MROH9: variants seen among roughly 807,000 people sequenced by gnomAD.
The protein encoded by MROH9 is maestro heat-like repeat-containing protein family member 9.
Under a neutral mutation model 98.2 loss-of-function variants are expected in MROH9, and 92 were observed. The ratio of observed to expected loss-of-function variants is 0.94; its 90% CI spans 0.79 to 1.11. The LOEUF is 1.11. Ranked by LOEUF, MROH9 falls within the 50% of genes most tolerant of loss-of-function variation. The pLI is 0.00. For missense variants in MROH9, 1,057 were observed against 1,014.8 expected, an observed-to-expected ratio of 1.04 and a Z score of -0.57; for synonymous variants, 397 against 368.9, an observed-to-expected ratio of 1.08 and a Z score of -0.87.
chr1:171,029,821 G>T (rs1282518762), intron 20 of MROH9, among the ~76,000 whole-genome samples: 1 of 152,118 alleles, frequency 6.6e-6, no homozygotes, highest in East Asian at 1.9e-4. Context: ...AAATGAGTTA[G>T]GGAGGAGTCC....
rs923275707 is a variant in MROH9 at position 171,025,296 on chromosome 1, T to C, written c.2179-22T>C. ...CTATTTCAGCAATCGAGTGAGGTGC[T>C]TTTTTCCCTTTTTATTCTCAGATTA... is the stretch of plus-strand genomic sequence containing the variant. On this transcript the variant is annotated intron_variant, in intron 19 of 21. Coordinates refer to ENST00000367759, the MANE Select transcript of MROH9 (RefSeq NM_001163629.2). 4 of 1,443,532 alleles carry C rather than the reference T, an allele frequency of 2.8e-6. No individual in the cohort carries two copies. In the African/African-American group the frequency reaches 4.2e-5, roughly 15 times the overall value. The allele number at this position is 1,443,532 out of a possible 1,614,324, so 89.4% of individuals were successfully genotyped here.
At position 170,990,084 on chromosome 1, in the gene MROH9, C is replaced by T. The variant is rs140210961; in HGVS notation, c.1028+81C>T. 7.4e-4 allele frequency: 1,040 copies of T among 1,398,186 alleles called. 10 individuals are homozygous for T. The African/African-American group carries it at 0.013, about 17-fold the overall frequency. The allele number at this position is 1,398,186 out of a possible 1,614,324, so 86.6% of individuals were successfully genotyped here. On this transcript the variant is annotated intron_variant, in intron 11 of 21. Transcript: ENST00000367759. ...GTCAGATGGACCTGGGTTCAACTCT[C>T]AATCTACCATAGTCAGGCCTGGTTT... is the stretch of plus-strand genomic sequence containing the variant.
chr1:171,001,616 A>G (rs1651784306), intron 15 of MROH9, among the ~76,000 whole-genome samples: 2 of 152,136 alleles, frequency 1.3e-5, no homozygotes, highest in South Asian at 2.1e-4. Flanking sequence ...AGTGCTTGAT[A>G]TAATTTCAGT....
intron 12 of MROH9, 71 bp downstream of exon 12, chr1:170,992,400 C>T (rs547336140): frequency 2.4e-4 from 356 of 1,464,378 alleles, no homozygotes; most frequent in Non-Finnish European, 3.2e-4. Context: ...TATCTGCCCA[C>T]AGACTCAATC....
chr1:170,990,014 C>G lies in MROH9; in HGVS notation c.1028+11C>G. 6.2e-7 allele frequency: 1 copy of G among 1,606,702 alleles called. No individual in the cohort carries two copies. The highest frequency in any genetic ancestry group is 8.5e-7 in the Non-Finnish European group (1 of 1,175,120). On this transcript the variant is annotated intron_variant, in intron 11 of 21. Transcript: ENST00000367759. ...AGTTCCAGCAGACGAGTAAGGCCCC[C>G]CAACCCTCTGTCCCTTCCACAAGGG...
At chr1:170,946,131 A>G (rs1649323049) in intron 2 of MROH9, among the ~76,000 whole-genome samples, 1 of 152,106 alleles carries the variant, frequency 6.6e-6, no homozygotes, top group African/African-American at 2.4e-5. Context: ...AATGACCCAC[A>G]TAAAGATGAA....
Position 170,998,249 on chromosome 1 carries a change from T to C in MROH9, c.1571T>C (p.Val524Ala), listed in dbSNP as rs1557891670. 1 of 1,613,536 alleles carries C rather than the reference T, an allele frequency of 6.2e-7. No homozygotes were observed. The highest frequency in any genetic ancestry group is 8.5e-7 in the Non-Finnish European group (1 of 1,179,638). ...GGTCCTAGAAGGTCAGAAGACACTG[T>C]CATCGTATTAATATTCCTCACTGAA... ...VEGPRRSEDT[V>A]IVLIFLTELL... Residue 524 changes from valine to alanine, a missense_variant, in exon 15 of 22, where the codon GTC becomes GCC. By Grantham distance (64) the Val-to-Ala change is moderately conservative. Coordinates refer to ENST00000367759, the MANE Select transcript of MROH9 (RefSeq NM_001163629.2).
intron 15 of MROH9, among the ~76,000 whole-genome samples, chr1:170,999,348 T>C (rs998074561): frequency 7.2e-5 from 11 of 152,098 alleles, no homozygotes; most frequent in Non-Finnish European, 1.2e-4. Flanking sequence ...CCAAAGTCCA[T>C]TGTATCATTC....
chr1:170,965,087 A>T, intron 6 of MROH9, 64 bp from the exon 7 acceptor site: 1 of 1,124,112 alleles, frequency 8.9e-7, no homozygotes, highest in Non-Finnish European at 1.3e-6. Flanking sequence ...GTTGAAGAAT[A>T]GAGGAAAGGT....
chr1:170,995,262 G>A (rs569124410), intron 12 of MROH9, 127 bp from the exon 13 acceptor site: 8 of 951,464 alleles, frequency 8.4e-6, no homozygotes, highest in South Asian at 4.7e-5. Flanking sequence ...ACCCATATGT[G>A]CTTTAGGTTT....
At chr1:171,044,952 C>G in intron 20 of MROH9, among the ~76,000 whole-genome samples, 1 of 96,594 alleles carries the variant, frequency 1.0e-5, no homozygotes, top group African/African-American at 3.6e-5. Context: ...CAGTTCAATT[C>G]CATTTATTTC....
chr1:171,050,822 T>C (rs1458804907), intron 20 of MROH9, among the ~76,000 whole-genome samples: 1 of 152,228 alleles, frequency 6.6e-6, no homozygotes, highest in African/African-American at 2.4e-5. Flanking sequence ...ATGGCTTTTA[T>C]TATTTTGAGG....
chr1:170,994,552 C>T (rs186496131), intron 12 of MROH9, among the ~76,000 whole-genome samples: 114 of 152,084 alleles, frequency 7.5e-4, no homozygotes, highest in African/African-American at 2.6e-3. Flanking sequence ...ATATAAAATA[C>T]GCACATCATA....
chr1:171,062,493 C>T (rs555101308), intron 21 of MROH9, among the ~76,000 whole-genome samples: 1 of 152,198 alleles, frequency 6.6e-6, no homozygotes, highest in Non-Finnish European at 1.5e-5. Context: ...AAGTTGAAAA[C>T]TCATTTACTC....
At chr1:171,002,299 T>C (rs1358046967) in intron 15 of MROH9, among the ~76,000 whole-genome samples, 1 of 152,182 alleles carries the variant, frequency 6.6e-6, no homozygotes, top group Admixed American at 6.5e-5. Context: ...TTTGCCTGTG[T>C]ATTTTGTTTT....
intron 2 of MROH9, among the ~76,000 whole-genome samples, chr1:170,946,652 T>G (rs536299154): frequency 6.6e-6 from 1 of 152,096 alleles, no homozygotes; most frequent in African/African-American, 2.4e-5. Flanking sequence ...CCTATAGGTC[T>G]GAAATAAAAA....
At chr1:170,970,277 G>A (rs1650391379) in intron 7 of MROH9, among the ~76,000 whole-genome samples, 1 of 152,138 alleles carries the variant, frequency 6.6e-6, no homozygotes, top group Non-Finnish European at 1.5e-5. Flanking sequence ...GCTTCAGTGA[G>A]GTAAGCTGTG....
Position 171,024,749 on chromosome 1 carries a change from A to G in MROH9, c.2162A>G (p.Asn721Ser), listed in dbSNP as rs1049833694. 6.5e-7 allele frequency: 1 copy of G among 1,546,156 alleles called. No individual in the cohort carries two copies. The highest frequency in any genetic ancestry group is 8.8e-7 in the Non-Finnish European group (1 of 1,142,296). Residue 721 changes from asparagine to serine, a missense_variant, in exon 19 of 22, where the codon AAT becomes AGT. By Grantham distance (46) the Asn-to-Ser change is conservative (BLOSUM62 1). Coordinates refer to ENST00000367759, the MANE Select transcript of MROH9 (RefSeq NM_001163629.2). ...ENYSFEMVVL[N>S]ICNNLIISHR... is the part of the protein sequence containing the mutation. ...TACAGTTTTGAGATGGTGGTGCTCA[A>G]TATCTGTAACAATCTTGTAAGTGGC...
intron 1 of MROH9, among the ~76,000 whole-genome samples, chr1:170,937,629 C>T (rs1648946749): frequency 6.8e-6 from 1 of 148,096 alleles, no homozygotes; most frequent in South Asian, 2.1e-4. Context: ...TCACGCCATT[C>T]TCCTGCCTCA....
Sources: gnomAD v4.1 joint callset for allele counts (sites outside exome capture counted in the v4.1 genomes callset) on GRCh38, gnomAD v4.1.1 for gene constraint, MANE v1.5 for transcripts, NCBI Gene and HGNC (gene_info 2026-07-23, HGNC 2026-07-21) for gene names.